The following SAMD12 variants were observed in gnomAD, a reference collection of about 807,000 sequenced individuals.
SAMD12 encodes sterile alpha motif domain-containing protein 12.
In SAMD12, 9 loss-of-function variants were observed where a neutral mutation model predicts 15.0. The ratio of observed to expected loss-of-function variants is 0.60; its 90% CI spans 0.36 to 1.05. SAMD12 has a LOEUF of 1.05. Ranked by LOEUF, SAMD12 falls within the 50% of genes least tolerant of loss-of-function variation. The probability of loss-of-function intolerance (pLI) is 0.01; values close to 1 mark genes in which losing one functional copy is unlikely to be tolerated. For synonymous variants in SAMD12, 86 were observed against 90.1 expected (o/e 0.96, Z 0.25); for missense variants, 230 against 234.2 (o/e 0.98, Z 0.12).
intron 4 of SAMD12, among the ~76,000 whole-genome samples, chr8:118,344,065 A>T (rs1251037228): frequency 1.3e-5 from 2 of 152,230 alleles, no homozygotes; most frequent in Non-Finnish European, 2.9e-5. Flanking sequence ...ACTGCCAGGA[A>T]ATGAAGCAAG....
At chr8:118,577,724 C>G (rs889758527) in intron 2 of SAMD12, among the ~76,000 whole-genome samples, 3 of 152,128 alleles carry the variant, frequency 2.0e-5, no homozygotes, top group African/African-American at 2.4e-5. Flanking sequence ...AAGGCAGATA[C>G]AAAAGCACCT....
intron 1 of SAMD12, among the ~76,000 whole-genome samples, chr8:118,618,034 T>G (rs72678179): frequency 0.044 from 6,631 of 150,328 alleles, 220 homozygotes; most frequent in Non-Finnish European, 0.069. Flanking sequence ...TTTTGTTTTT[T>G]TTTTTTTTAA....
At chr8:118,182,331 G>C in the SAMD12 span, among the ~76,000 whole-genome samples, 3 of 152,168 alleles carry the variant, frequency 2.0e-5, no homozygotes, top group Non-Finnish European at 4.4e-5. Context: ...CATGATTTTT[G>C]CATTATTCTC....
At chr8:118,302,261 T>G (rs1815086368) in intron 4 of SAMD12, among the ~76,000 whole-genome samples, 1 of 152,074 alleles carries the variant, frequency 6.6e-6, no homozygotes, top group South Asian at 2.1e-4. Context: ...TAAGGTCGCA[T>G]CTTGTATTGT....
At chr8:118,186,030 T>C (rs1388545146), downstream of SAMD12, among the ~76,000 whole-genome samples, 1 of 152,186 alleles carries the variant, frequency 6.6e-6, no homozygotes, top group Non-Finnish European at 1.5e-5. Flanking sequence ...ATTGGTATTC[T>C]CTGGGGGAAA....
chr8:118,570,305 C>T (rs1309401812), intron 2 of SAMD12, among the ~76,000 whole-genome samples: 1 of 152,074 alleles, frequency 6.6e-6, no homozygotes, highest in African/African-American at 2.4e-5. Context: ...ATTTTATCAC[C>T]CAGGTATTAA....
At chr8:118,194,319 G>A (rs1293038596) in exon 5 of SAMD12, 4 of 152,078 alleles carry the variant, frequency 2.6e-5, no homozygotes, top group Admixed American at 6.6e-5. Context: ...AAATCTGCGG[G>A]TGCACACCTC....
chr8:118,266,723 T>C (rs890267075), intron 4 of SAMD12, among the ~76,000 whole-genome samples: 1 of 151,982 alleles, frequency 6.6e-6, no homozygotes, highest in Non-Finnish European at 1.5e-5. Context: ...TTAAGTAAAA[T>C]AGGACAGCCA....
chr8:118,506,438 A>G (rs1271361384), intron 2 of SAMD12, among the ~76,000 whole-genome samples: 2 of 152,146 alleles, frequency 1.3e-5, no homozygotes, highest in Non-Finnish European at 2.9e-5. Context: ...CCCTTCTGAC[A>G]GTCTCTGTCT....
chr8:118,429,244 C>T (rs988934552), intron 3 of SAMD12, among the ~76,000 whole-genome samples: 1 of 152,162 alleles, frequency 6.6e-6, no homozygotes, highest in East Asian at 1.9e-4. Flanking sequence ...GGTTAAGCAT[C>T]CCTAATCTGA....
At chr8:118,332,709 A>G (rs1467311411) in intron 4 of SAMD12, among the ~76,000 whole-genome samples, 1 of 152,186 alleles carries the variant, frequency 6.6e-6, no homozygotes, top group East Asian at 1.9e-4. Flanking sequence ...TGACATTCCA[A>G]TACTGGAGTA....
chr8:118,485,774 A>G lies in SAMD12; in HGVS notation c.193-45813T>C, dbSNP rs1403005439. ...AAAGGGAATTAAAAAAAGCTAACAA[A>G]ATCATTACAATTACTCAATATTGGT... On this transcript the variant is annotated intron_variant, in intron 2 of 3. Coordinates refer to ENST00000314727, the MANE Select transcript of SAMD12 (RefSeq NM_207506.3). Among the ~76,000 whole-genome samples the G allele has an allele frequency of 4.6e-5, 7 of 152,206 alleles. No homozygotes were observed. In the East Asian group the frequency reaches 1.3e-3, roughly 29 times the overall value.
intron 3 of SAMD12, among the ~76,000 whole-genome samples, chr8:118,413,180 A>G (rs1016059534): frequency 6.6e-6 from 1 of 152,152 alleles, no homozygotes; most frequent in African/African-American, 2.4e-5. Flanking sequence ...CCACTCAGCA[A>G]ATGTAGCCTA....
At chr8:118,205,262 A>G (rs1481337215) in intron 4 of SAMD12, among the ~76,000 whole-genome samples, 1 of 152,234 alleles carries the variant, frequency 6.6e-6, no homozygotes, top group Non-Finnish European at 1.5e-5. Context: ...CCAATTCCTT[A>G]TAATACATCT....
intron 2 of SAMD12, among the ~76,000 whole-genome samples, chr8:118,473,580 T>C (rs1388035069): frequency 6.6e-6 from 1 of 152,192 alleles, no homozygotes; most frequent in Non-Finnish European, 1.5e-5. Context: ...AAATCCAAAC[T>C]GTCCACCAAG....
At chr8:118,186,066 A>G (rs116173879), downstream of SAMD12, among the ~76,000 whole-genome samples, 463 of 152,290 alleles carry the variant, frequency 3.0e-3, 3 homozygotes, top group African/African-American at 0.011. Context: ...ATGAATTTTG[A>G]AAGTGCTACA....
chr8:118,621,330 T>C (rs1041823556), intron 1 of SAMD12: 2 of 202,218 alleles, frequency 9.9e-6, no homozygotes. Context: ...GCTGGGTGCA[T>C]AGGACGAAGG....
At chr8:118,155,531 T>G in the SAMD12 span, among the ~76,000 whole-genome samples, 1 of 152,216 alleles carries the variant, frequency 6.6e-6, no homozygotes. Flanking sequence ...CTCACTGATA[T>G]AAATTGCATG....
intron 4 of SAMD12, among the ~76,000 whole-genome samples, chr8:118,234,110 T>C (rs989693546): frequency 6.6e-6 from 1 of 152,156 alleles, no homozygotes; most frequent in African/African-American, 2.4e-5. Context: ...AGAAAAACTA[T>C]GGCAAGGCAG....
Sources: allele counts gnomAD v4.1 joint callset (sites outside exome capture counted in the v4.1 genomes callset), GRCh38; gene constraint gnomAD v4.1.1; transcripts MANE v1.5; gene names NCBI Gene and HGNC (gene_info 2026-07-23, HGNC 2026-07-21).